The following HMGN3 variants were observed in gnomAD, a reference collection of about 807,000 sequenced individuals.
HMGN3 encodes the protein high mobility group nucleosomal binding domain 3, also known as high mobility group nucleosome-binding domain-containing protein 3.
In HMGN3, 6 loss-of-function variants were observed where a neutral mutation model predicts 18.8. The observed-to-expected ratio is 0.32, with a 90% CI of 0.18 to 0.63. HMGN3 has a LOEUF of 0.63. HMGN3 is among the 30% of genes least tolerant of loss of function. The pLI is 0.79. For missense variants in HMGN3, 107 were observed against 114.2 expected (o/e 0.94, Z 0.29); for synonymous variants, 40 against 36.5 (o/e 1.10, Z -0.35).
At chr6:79,226,523 T>C (rs1258963651) in intron 1 of HMGN3, among the ~76,000 whole-genome samples, 1 of 152,180 alleles carries the variant, frequency 6.6e-6, no homozygotes, top group African/African-American at 2.4e-5. Context: ...AAAATGAAAT[T>C]ATAGTATATA....
intron 2 of HMGN3, among the ~76,000 whole-genome samples, chr6:79,210,001 T>C (rs1776605555): frequency 6.6e-6 from 1 of 152,132 alleles, no homozygotes; most frequent in African/African-American, 2.4e-5. Context: ...AGTAAAAGCT[T>C]GTACAACTCA....
intron 1 of HMGN3, among the ~76,000 whole-genome samples, chr6:79,219,399 A>G (rs1319412500): frequency 6.6e-6 from 1 of 152,184 alleles, no homozygotes; most frequent in Non-Finnish European, 1.5e-5. Context: ...ACAAACATAA[A>G]GAGAGTTCAC....
chr6:79,213,145 T>C (rs1025520842), intron 2 of HMGN3, among the ~76,000 whole-genome samples: 2 of 146,842 alleles, frequency 1.4e-5, no homozygotes, highest in Non-Finnish European at 2.9e-5. Flanking sequence ...GAGGCTGAGA[T>C]GGGAGAATCA....
chr6:79,212,940 T>C (rs1776775772), intron 2 of HMGN3, among the ~76,000 whole-genome samples: 1 of 152,206 alleles, frequency 6.6e-6, no homozygotes, highest in African/African-American at 2.4e-5. Flanking sequence ...GAAGACATTA[T>C]CATGAGTTTT....
At chr6:79,208,206 G>C (rs1776512541) in intron 3 of HMGN3, among the ~76,000 whole-genome samples, 2 of 152,352 alleles carry the variant, frequency 1.3e-5, no homozygotes, top group Middle Eastern at 3.4e-3. Flanking sequence ...GTTGTGGACA[G>C]AGAATCAGAA....
chr6:79,214,972 C>A, exon 2 of HMGN3: 2 of 1,463,862 alleles, frequency 1.4e-6, no homozygotes, highest in South Asian at 1.2e-5. Context: ...ATATACTTAC[C>A]TCCTGTTTAG....
chr6:79,206,064 G>A, intron 3 of HMGN3, among the ~76,000 whole-genome samples: 1 of 152,188 alleles, frequency 6.6e-6, no homozygotes, highest in East Asian at 1.9e-4. Context: ...AAGCATTCAA[G>A]AGGTGACTTG....
rs557295652 is a variant in HMGN3, at chr6:79,206,889, G to A, written c.96+1658C>T. 1.9e-3 allele frequency among the ~76,000 whole-genome samples: 297 copies of A among 152,358 alleles called. 1 individual carries two copies. Among genetic ancestry groups the A allele is most frequent in the African/African-American group, 4.9e-3 (204 of 41,598 alleles). ...ATGGAAACCCACGTCCTGCATCAGC[G>A]TGACCTGGATGCAAGAAAAGGAGTC... On this transcript the variant is annotated intron_variant, in intron 3 of 5. Coordinates refer to ENST00000344726, the Ensembl canonical transcript of HMGN3.
exon 6 of HMGN3, chr6:79,201,720 T>C: frequency 1.2e-6 from 2 of 1,606,594 alleles, no homozygotes; most frequent in South Asian, 2.2e-5. Context: ...GATTCAGTTT[T>C]CTGTGCCTGT....
chr6:79,228,322 G>A (rs1223643682), intron 1 of HMGN3, among the ~76,000 whole-genome samples: 1 of 152,116 alleles, frequency 6.6e-6, no homozygotes, highest in African/African-American at 2.4e-5. Flanking sequence ...TTGCATAAAG[G>A]TGATGCCCAA....
intron 1 of HMGN3, among the ~76,000 whole-genome samples, chr6:79,223,669 C>T (rs559176831): frequency 2.7e-4 from 41 of 151,684 alleles, no homozygotes; most frequent in Admixed American, 7.9e-4. Flanking sequence ...CCTGTCTTGT[C>T]TCAAAAAAAG....
chr6:79,202,234 AAGACACTG>A, intron 5 of HMGN3, 34 bp downstream of exon 5: 5 of 1,613,496 alleles, frequency 3.1e-6, no homozygotes, highest in Non-Finnish European at 3.4e-6. Context: ...AATTTCTTTA[AAGACACTG>A]ATTCAATCAG....
intron 1 of HMGN3, among the ~76,000 whole-genome samples, chr6:79,232,288 C>T (rs1160481439): frequency 2.0e-5 from 3 of 152,152 alleles, no homozygotes; most frequent in Non-Finnish European, 4.4e-5. Flanking sequence ...TTCCAGTGAA[C>T]TTCAGGATTC....
chr6:79,234,275 G>T, intron 1 of HMGN3: 1 of 370,440 alleles, frequency 2.7e-6, no homozygotes, highest in Admixed American at 4.2e-5. Context: ...GTTGTTGGGG[G>T]TGGAAAACAT....
chr6:79,215,096 A>C, intron 1 of HMGN3, 74 bp from the exon 2 acceptor site: 1 of 892,594 alleles, frequency 1.1e-6, no homozygotes. Context: ...TTAAAAAGTT[A>C]TCTCATTCCC....
At chr6:79,233,190 G>A (rs1387858318) in intron 1 of HMGN3, among the ~76,000 whole-genome samples, 1 of 152,184 alleles carries the variant, frequency 6.6e-6, no homozygotes, top group African/African-American at 2.4e-5. Context: ...CAGCTGAATG[G>A]GGGTAACACC....
chr6:79,216,671 C>G (rs9448663), intron 1 of HMGN3, among the ~76,000 whole-genome samples: 1,704 of 152,316 alleles, frequency 0.011, 19 homozygotes, highest in African/African-American at 0.039. Flanking sequence ...ACCCCACTCT[C>G]TTGCACAGGA....
intron 1 of HMGN3, among the ~76,000 whole-genome samples, chr6:79,219,423 T>A (rs1263535766): frequency 6.6e-6 from 1 of 152,076 alleles, no homozygotes; most frequent in African/African-American, 2.4e-5. Flanking sequence ...CAACAAAGCA[T>A]TTCTTTCAAC....
Position 79,206,740 on chromosome 6 carries a change from T to C in HMGN3, c.96+1807A>G, listed in dbSNP as rs116703610. Among the ~76,000 whole-genome samples the C allele has an allele frequency of 3.5e-3, 533 of 152,200 alleles. 4 individuals are homozygous for C. The highest frequency in any genetic ancestry group is 0.012 in the African/African-American group (492 of 41,526). ...CACTGCCCTCCAGACCCCAGAATGG[T>C]AGATTCACTGTCAGTTTGCACCGTG... On this transcript the variant is annotated intron_variant, in intron 3 of 5. Coordinates refer to ENST00000344726, the Ensembl canonical transcript of HMGN3.
Sources: gnomAD v4.1 joint callset for allele counts (sites outside exome capture counted in the v4.1 genomes callset) on GRCh38, gnomAD v4.1.1 for gene constraint, MANE v1.5 for transcripts, NCBI Gene and HGNC (gene_info 2026-07-23, HGNC 2026-07-21) for gene names.